Variants in INTS4 observed in about 807,000 individuals in gnomAD.
The protein encoded by INTS4 is MSTP093.
Under a neutral mutation model 119.5 loss-of-function variants are expected in INTS4, and 70 were observed. That is an observed-to-expected ratio of 0.59 (90% CI 0.48 to 0.71). The LOEUF is 0.71. Among genes scored for constraint, INTS4 ranks in the 30% least tolerant of loss-of-function variants. The pLI, the probability that INTS4 is intolerant of heterozygous loss-of-function variation, is 0.00. For synonymous variants in INTS4, 316 were observed against 419.6 expected, an observed-to-expected ratio of 0.75 and a Z score of 3.02; for missense variants, 867 against 1,173.2, an observed-to-expected ratio of 0.74 and a Z score of 3.81.
At chr11:77,895,047 G>A (rs1425740554) in intron 18 of INTS4, among the ~76,000 whole-genome samples, 2 of 152,112 alleles carry the variant, frequency 1.3e-5, no homozygotes. Context: ...CTATTTTGGC[G>A]ACAGACATAG....
At chr11:77,977,826 AG>A (rs1341699190) in intron 4 of INTS4, 1 of 151,696 alleles carries the variant, frequency 6.6e-6, no homozygotes, top group Non-Finnish European at 1.5e-5. Flanking sequence ...CTCACAGGGG[AG>A]ACGTACTTAC....
chr11:77,875,899 A>G (rs1305406576), downstream of INTS4, among the ~76,000 whole-genome samples: 2 of 152,190 alleles, frequency 1.3e-5, no homozygotes, highest in Non-Finnish European at 2.9e-5. Flanking sequence ...AGTGGAGTAC[A>G]GAGACAGTTT....
intron 17 of INTS4, 149 bp downstream of exon 17, chr11:77,903,391 C>G: frequency 1.2e-6 from 2 of 1,601,948 alleles, no homozygotes; most frequent in Admixed American, 1.7e-5. Flanking sequence ...CCAAATCACT[C>G]TGCTTCAAAT....
intron 18 of INTS4, among the ~76,000 whole-genome samples, chr11:77,900,390 C>G (rs1591031914): frequency 6.6e-6 from 1 of 152,266 alleles, no homozygotes; most frequent in South Asian, 2.1e-4. Flanking sequence ...TGAGCCACCA[C>G]ACCCGGCCAC....
chr11:77,956,179 C>T (rs1782870465), intron 7 of INTS4, 117 bp from the exon 8 acceptor site: 2 of 1,179,178 alleles, frequency 1.7e-6, no homozygotes, highest in Non-Finnish European at 2.4e-6. Flanking sequence ...GAGGCCCAGG[C>T]AGGTAGATTG....
At chr11:77,883,199 C>G (rs1951861044) in intron 22 of INTS4, among the ~76,000 whole-genome samples, 1 of 152,128 alleles carries the variant, frequency 6.6e-6, no homozygotes, top group African/African-American at 2.4e-5. Context: ...TTAAACACCT[C>G]CAGTAACAGT....
At chr11:77,878,405 C>T (rs1951667164), downstream of INTS4, among the ~76,000 whole-genome samples, 1 of 151,934 alleles carries the variant, frequency 6.6e-6, no homozygotes, top group Non-Finnish European at 1.5e-5. Flanking sequence ...ATGATTCATT[C>T]TCCAGCTATT....
chr11:77,879,441 G>T (rs767675823), intron 22 of INTS4, among the ~76,000 whole-genome samples: 1 of 152,198 alleles, frequency 6.6e-6, no homozygotes. Context: ...TCTTATGCAG[G>T]TGTGGATTTG....
intron 10 of INTS4, among the ~76,000 whole-genome samples, chr11:77,933,284 A>ACTGTACTG: frequency 6.6e-6 from 1 of 150,914 alleles, no homozygotes; most frequent in South Asian, 2.1e-4. Context: ...CCGAAGCTGG[A>ACTGTACTG]CTGTACTGCC....
chr11:77,963,685 A>AT (rs1019011625), intron 4 of INTS4, among the ~76,000 whole-genome samples: 13 of 150,610 alleles, frequency 8.6e-5, no homozygotes, highest in East Asian at 1.9e-4. Context: ...ATCGATATGG[A>AT]TTTTTTTTTT....
At position 77,891,843 on chromosome 11, in the gene INTS4, G is replaced by A. The variant is rs368680854; in HGVS notation, c.2289-3C>T. ...GGGGCAAATCAGCGATGAAATACCTGGAGGAACAAACAGAAGCAACTGACT... is the reference window on the plus strand; with the variant it reads ...GGGGCAAATCAGCGATGAAATACCTAGAGGAACAAACAGAAGCAACTGACT... On this transcript the variant is annotated splice_polypyrimidine_tract_variant and splice_region_variant and intron_variant, in intron 19 of 22. Transcript: ENST00000534064. 1.5e-5 allele frequency: 24 copies of A among 1,610,976 alleles called. No individual in the cohort carries two copies. The highest frequency in any genetic ancestry group is 1.9e-5 in the Non-Finnish European group (22 of 1,179,176).
At chr11:77,962,695 A>C (rs1855287037) in intron 4 of INTS4, among the ~76,000 whole-genome samples, 1 of 152,060 alleles carries the variant, frequency 6.6e-6, no homozygotes, top group Non-Finnish European at 1.5e-5. Flanking sequence ...TTACTCTGGT[A>C]CTTGTATTTT....
intron 18 of INTS4, among the ~76,000 whole-genome samples, chr11:77,897,208 T>C (rs1952562278): frequency 6.6e-6 from 1 of 151,820 alleles, no homozygotes; most frequent in South Asian, 2.1e-4. Flanking sequence ...GCTAAACTTA[T>C]AAAGATTATA....
rs531402727 is a variant in INTS4, at chr11:77,945,424, T to C, written c.919-4173A>G. On this transcript the variant is annotated intron_variant, in intron 8 of 22. Coordinates refer to ENST00000534064, the MANE Select transcript of INTS4 (RefSeq NM_033547.4). ...GTGTGCATCCTGCCCTGGGGACCAGTAGCAACTGACTCTCTTCATCCTTGA... is the reference window on the plus strand; with the variant it reads ...GTGTGCATCCTGCCCTGGGGACCAGCAGCAACTGACTCTCTTCATCCTTGA... Among the ~76,000 whole-genome samples, 33 of 152,244 alleles carry C rather than the reference T, an allele frequency of 2.2e-4. 1 individual carries two copies. Among genetic ancestry groups the C allele is most frequent in the African/African-American group, 7.2e-4 (30 of 41,536 alleles).
intron 4 of INTS4, among the ~76,000 whole-genome samples, chr11:77,962,220 C>A (rs1239301465): frequency 6.6e-6 from 1 of 152,114 alleles, no homozygotes; most frequent in Non-Finnish European, 1.5e-5. Context: ...GAGGTGGAGG[C>A]TGCAGTGAGC....
chr11:77,987,689 G>A (rs1856510507), intron 2 of INTS4: 2 of 446,834 alleles, frequency 4.5e-6, no homozygotes, highest in Admixed American at 4.8e-5. Flanking sequence ...AACACAGAGA[G>A]ACTCCATCTC....
intron 10 of INTS4, among the ~76,000 whole-genome samples, chr11:77,931,234 C>T (rs1195284189): frequency 6.6e-6 from 1 of 152,156 alleles, no homozygotes; most frequent in Non-Finnish European, 1.5e-5. Context: ...AGAAAAGCTG[C>T]ATGCACAAAG....
intron 4 of INTS4, 141 bp from the exon 5 acceptor site, chr11:77,961,279 CAGT>C: frequency 8.7e-7 from 1 of 1,147,430 alleles, no homozygotes; most frequent in East Asian, 2.7e-5. Flanking sequence ...ATTCTTAGGA[CAGT>C]CTGTCTAGCA....
chr11:77,975,639 A>C (rs934625204), intron 4 of INTS4, among the ~76,000 whole-genome samples: 6 of 152,104 alleles, frequency 3.9e-5, no homozygotes, highest in African/African-American at 1.4e-4. Flanking sequence ...GCCATTGACA[A>C]ACAGTTGCAA....
Sources: gnomAD v4.1 joint callset for allele counts (sites outside exome capture counted in the v4.1 genomes callset) on GRCh38, gnomAD v4.1.1 for gene constraint, MANE v1.5 for transcripts, NCBI Gene and HGNC (gene_info 2026-07-23, HGNC 2026-07-21) for gene names.